Variants in ERCC6L2 observed in about 807,000 individuals in gnomAD.
ERCC6L2 encodes the protein ERCC excision repair 6 like 2.
In ERCC6L2, 77 loss-of-function variants were observed where a neutral mutation model predicts 132.0. That is an observed-to-expected ratio of 0.58 (90% confidence interval 0.49 to 0.71). ERCC6L2 has a LOEUF of 0.71. Ranked by LOEUF, ERCC6L2 falls within the 30% of genes least tolerant of loss-of-function variation. The pLI is 0.00. For missense variants in ERCC6L2, 1,542 were observed against 1,837.6 expected, an observed-to-expected ratio of 0.84 and a Z score of 2.94; for synonymous variants, 583 against 632.4, an observed-to-expected ratio of 0.92 and a Z score of 1.17.
rs1388573954 is a variant in ERCC6L2, at chr9:96,016,437, C to T, written c.*3234C>T. Among the ~76,000 whole-genome samples the T allele has an allele frequency of 1.3e-5, 2 of 152,202 alleles. No homozygotes were observed. Among genetic ancestry groups the T allele is most frequent in the African/African-American group, 4.8e-5 (2 of 41,442 alleles). The stretch of plus-strand genomic sequence containing the variant: ...CAATGATACCGTTTCTGGCTGAACA[C>T]TCACCACACAGCTATTAATATTGGA... On this transcript the variant is annotated 3_prime_UTR_variant, in exon 19 of 19. Coordinates refer to ENST00000653738, the MANE Select transcript of ERCC6L2 (RefSeq NM_020207.7).
At chr9:95,998,808 T>C (rs962481202) in intron 17 of ERCC6L2, among the ~76,000 whole-genome samples, 6 of 152,240 alleles carry the variant, frequency 3.9e-5, no homozygotes, top group African/African-American at 1.4e-4. Flanking sequence ...CGTTTTGTGA[T>C]ACTCTGTTAT....
At chr9:95,876,698 A>G (rs1224136653) in intron 1 of ERCC6L2, 3 of 152,206 alleles carry the variant, frequency 2.0e-5, no homozygotes, top group Non-Finnish European at 2.9e-5. Flanking sequence ...AACAAAAGCT[A>G]CCAGGTATTG....
At chr9:95,944,731 A>G (rs1395673143) in intron 12 of ERCC6L2, among the ~76,000 whole-genome samples, 1 of 152,136 alleles carries the variant, frequency 6.6e-6, no homozygotes, top group Non-Finnish European at 1.5e-5. Flanking sequence ...GAGACAGTAC[A>G]AAAGAGAGAA....
chr9:95,887,690 G>T (rs1321836184), intron 2 of ERCC6L2, among the ~76,000 whole-genome samples: 2 of 152,168 alleles, frequency 1.3e-5, no homozygotes, highest in African/African-American at 4.8e-5. Context: ...ACTCTTGAGA[G>T]AAATGGGATT....
chr9:95,926,731 C>G (rs1040085381), intron 9 of ERCC6L2, among the ~76,000 whole-genome samples: 1 of 151,984 alleles, frequency 6.6e-6, no homozygotes, highest in Admixed American at 6.6e-5. Flanking sequence ...TGTCAAAACC[C>G]GTGAACTATG....
chr9:95,987,077 T>G (rs960756168), intron 17 of ERCC6L2, among the ~76,000 whole-genome samples: 7 of 152,174 alleles, frequency 4.6e-5, no homozygotes, highest in Admixed American at 4.6e-4. Context: ...AAACTGCCCC[T>G]GTGATTCAAT....
chr9:96,033,323 G>A (rs1243207581), intron 19 of ERCC6L2, among the ~76,000 whole-genome samples: 1 of 151,514 alleles, frequency 6.6e-6, no homozygotes, highest in African/African-American at 2.4e-5. Flanking sequence ...TCAGCTCACT[G>A]CAACCTCCGA....
At chr9:95,993,197 A>T (rs1833359560) in intron 17 of ERCC6L2, among the ~76,000 whole-genome samples, 1 of 152,190 alleles carries the variant, frequency 6.6e-6, no homozygotes, top group East Asian at 1.9e-4. Flanking sequence ...TCAGAAAGGT[A>T]CAGAATCTCC....
intron 15 of ERCC6L2, 54 bp from the exon 16 acceptor site, chr9:95,971,879 T>C: frequency 8.6e-7 from 1 of 1,165,032 alleles, no homozygotes; most frequent in Non-Finnish European, 1.1e-6. Flanking sequence ...TTTCAGTTGA[T>C]TCCACATTAT....
At chr9:96,038,607 G>A (rs1834545552) in intron 19 of ERCC6L2, among the ~76,000 whole-genome samples, 1 of 152,242 alleles carries the variant, frequency 6.6e-6, no homozygotes, top group Admixed American at 6.5e-5. Flanking sequence ...CAGAAGCAGA[G>A]GTGTGGATGG....
At chr9:95,897,704 A>G (rs760015059) in intron 2 of ERCC6L2, 145 bp from the exon 3 acceptor site, 2 of 780,174 alleles carry the variant, frequency 2.6e-6, no homozygotes, top group Non-Finnish European at 4.0e-6. Flanking sequence ...AATAAAGAAA[A>G]TCAGTACTAA....
In ERCC6L2 at chr9:96,017,918, G is replaced by T. The variant is rs146085030; in HGVS notation, c.*4715G>T. Among the ~76,000 whole-genome samples, 65 of 152,320 alleles carry T rather than the reference G, an allele frequency of 4.3e-4. 1 individual carries two copies. In the East Asian group the frequency reaches 0.011, roughly 26 times the overall value. On this transcript the variant is annotated 3_prime_UTR_variant, in exon 19 of 19. Coordinates refer to ENST00000653738, the MANE Select transcript of ERCC6L2 (RefSeq NM_020207.7). ...CAGGAATATTATTCAGCCTTGAAAGGAAATTCGGACACGTGCTACAACATA... is the reference window on the plus strand; with the variant it reads ...CAGGAATATTATTCAGCCTTGAAAGTAAATTCGGACACGTGCTACAACATA...
At chr9:95,907,011 T>G (rs1419414595) in intron 3 of ERCC6L2, 67 bp from the exon 4 acceptor site, 26 of 1,097,320 alleles carry the variant, frequency 2.4e-5, no homozygotes, top group Middle Eastern at 2.9e-4. Flanking sequence ...ATTGATATTG[T>G]GGATTTCACT....
At chr9:96,034,646 G>T (rs983028597) in intron 19 of ERCC6L2, among the ~76,000 whole-genome samples, 10 of 152,192 alleles carry the variant, frequency 6.6e-5, no homozygotes, top group African/African-American at 1.9e-4. Flanking sequence ...AGGAAGGCAC[G>T]GCTGGGGCTG....
At chr9:95,936,697 C>T (rs1025819535) in intron 11 of ERCC6L2, among the ~76,000 whole-genome samples, 3 of 152,170 alleles carry the variant, frequency 2.0e-5, no homozygotes, top group African/African-American at 4.8e-5. Flanking sequence ...AGGATACTGA[C>T]GTTGATACAG....
chr9:95,982,387 A>G (rs1445860752), intron 17 of ERCC6L2, among the ~76,000 whole-genome samples: 4 of 152,134 alleles, frequency 2.6e-5, no homozygotes. Flanking sequence ...GTTTGATTGC[A>G]GTATGTTTAT....
intron 16 of ERCC6L2, 107 bp from the exon 17 acceptor site, chr9:95,977,954 T>A: frequency 1.6e-6 from 1 of 642,640 alleles, no homozygotes; most frequent in Non-Finnish European, 2.2e-6. Context: ...AAGAATATTG[T>A]GATGTTGATG....
chr9:95,912,610 T>G (rs920430142), intron 4 of ERCC6L2, among the ~76,000 whole-genome samples: 1 of 152,214 alleles, frequency 6.6e-6, no homozygotes, highest in African/African-American at 2.4e-5. Context: ...ACAAGAATAT[T>G]AATAGCAATT....
At chr9:95,885,258 TATCC>T (rs1358046597) in intron 2 of ERCC6L2, among the ~76,000 whole-genome samples, 1 of 152,252 alleles carries the variant, frequency 6.6e-6, no homozygotes, top group African/African-American at 2.4e-5. Context: ...GGTTTTGTAA[TATCC>T]ATCCATCTTT....
Sources: gnomAD v4.1 joint callset for allele counts (sites outside exome capture counted in the v4.1 genomes callset) on GRCh38, gnomAD v4.1.1 for gene constraint, MANE v1.5 for transcripts, NCBI Gene and HGNC (gene_info 2026-07-23, HGNC 2026-07-21) for gene names.